The following ROPN1L variants were observed in gnomAD, a reference collection of about 807,000 sequenced individuals.
ROPN1L encodes the protein ropporin-1-like protein.
A neutral mutation model predicts 22.7 loss-of-function variants in ROPN1L; 23 were observed. That is an observed-to-expected ratio of 1.01 (90% CI 0.73 to 1.43). ROPN1L has a LOEUF of 1.43. ROPN1L is among the 40% of genes most tolerant of loss of function. ROPN1L has a pLI of 0.00. For missense variants in ROPN1L, 271 were observed against 291.5 expected (o/e 0.93, Z 0.51); for synonymous variants, 116 against 117.8 (o/e 0.98, Z 0.10).
chr5:10,475,535 G>A (rs1422580536), downstream of ROPN1L, among the ~76,000 whole-genome samples: 2 of 152,146 alleles, frequency 1.3e-5, no homozygotes, highest in African/African-American at 4.8e-5. Flanking sequence ...GAGCTGAAGT[G>A]ACATAGGCCT....
chr5:10,471,040 G>A (rs1735237681), intron 4 of ROPN1L, among the ~76,000 whole-genome samples: 1 of 152,258 alleles, frequency 6.6e-6, no homozygotes, highest in East Asian at 1.9e-4. Context: ...CGACTCCAGA[G>A]CCTTGGAGCC....
intron 1 of ROPN1L, among the ~76,000 whole-genome samples, chr5:10,446,917 TCTAA>T (rs1402358470): frequency 6.6e-6 from 1 of 152,232 alleles, no homozygotes; most frequent in Non-Finnish European, 1.5e-5. Context: ...TTCACATTTG[TCTAA>T]CTCACTGCTG....
At chr5:10,461,612 T>TC (rs1735032187) in intron 4 of ROPN1L, 2 of 386,750 alleles carry the variant, frequency 5.2e-6, no homozygotes, top group Non-Finnish European at 4.7e-6. Context: ...TAGCCTGAGA[T>TC]CCCACAGGTT....
chr5:10,449,939 G>A lies in ROPN1L; in HGVS notation c.256-13G>A. 1.2e-6 allele frequency: 2 copies of A among 1,601,418 alleles called. No homozygotes were observed. Among genetic ancestry groups the A allele is most frequent in the South Asian group, 1.1e-5 (1 of 89,254 alleles). On this transcript the variant is annotated splice_polypyrimidine_tract_variant and intron_variant, in intron 2 of 4. Coordinates refer to ENST00000274134, the MANE Select transcript of ROPN1L (RefSeq NM_031916.5). ...AAACATACATAAATTGTCATGCTGT[G>A]TTTTCCAAACAGTGTCACCACAAGC...
At chr5:10,459,104 A>G (rs1326912059) in intron 3 of ROPN1L, among the ~76,000 whole-genome samples, 1 of 150,782 alleles carries the variant, frequency 6.6e-6, no homozygotes. Context: ...GCCACCCCAA[A>G]CTCAGCTTCT....
intron 4 of ROPN1L, among the ~76,000 whole-genome samples, chr5:10,463,977 C>T (rs919334072): frequency 6.6e-6 from 1 of 152,168 alleles, no homozygotes; most frequent in Non-Finnish European, 1.5e-5. Flanking sequence ...GCCATGATGC[C>T]ACCTAGGATG....
chr5:10,478,458 T>C, the ROPN1L span, among the ~76,000 whole-genome samples: 1 of 152,206 alleles, frequency 6.6e-6, no homozygotes, highest in Non-Finnish European at 1.5e-5. Context: ...AGGGCCACAC[T>C]TCCTTCTAAG....
intron 4 of ROPN1L, among the ~76,000 whole-genome samples, chr5:10,471,463 A>G (rs911473322): frequency 2.6e-5 from 4 of 152,052 alleles, no homozygotes; most frequent in Admixed American, 1.3e-4. Context: ...TTGATTTTCA[A>G]TTGGGGAAGT....
chr5:10,449,572 T>A (rs1353174411), intron 2 of ROPN1L, among the ~76,000 whole-genome samples: 1 of 152,190 alleles, frequency 6.6e-6, no homozygotes, highest in Non-Finnish European at 1.5e-5. Context: ...AGTTTTAAGA[T>A]CTCTCCTATC....
chr5:10,450,956 T>G (rs1741235204), intron 3 of ROPN1L, among the ~76,000 whole-genome samples: 1 of 152,166 alleles, frequency 6.6e-6, no homozygotes, highest in South Asian at 2.1e-4. Flanking sequence ...GCTGGGATGA[T>G]GTTGGCAGGG....
Position 10,448,400 on chromosome 5 carries a change from T to C in ROPN1L, c.255+17T>C, listed in dbSNP as rs112884084. 1 of 1,613,782 alleles carries C rather than the reference T, an allele frequency of 6.2e-7. No homozygotes were observed. The highest frequency in any genetic ancestry group is 1.3e-5 in the African/African-American group (1 of 75,024). On this transcript the variant is annotated intron_variant, in intron 2 of 4. Coordinates refer to ENST00000274134, the MANE Select transcript of ROPN1L (RefSeq NM_031916.5). The stretch of plus-strand genomic sequence containing the variant: ...CACAAGCAGGTATGGGGGGGCGTAG[T>C]CTCTGGCCTCAGGCAGCTGGCCTGT...
chr5:10,447,585 G>T (rs908510917), intron 1 of ROPN1L, among the ~76,000 whole-genome samples: 1 of 152,224 alleles, frequency 6.6e-6, no homozygotes, highest in African/African-American at 2.4e-5. Flanking sequence ...CCTGTCAAAA[G>T]TGGGAAGACG....
intron 3 of ROPN1L, among the ~76,000 whole-genome samples, chr5:10,458,381 C>T (rs533886310): frequency 2.6e-4 from 39 of 151,954 alleles, no homozygotes; most frequent in African/African-American, 8.0e-4. Flanking sequence ...TCGTGGGGCT[C>T]GGCTGTATAC....
downstream of ROPN1L, among the ~76,000 whole-genome samples, chr5:10,472,752 C>T (rs958397406): frequency 1.3e-5 from 2 of 152,176 alleles, no homozygotes; most frequent in Non-Finnish European, 2.9e-5. Flanking sequence ...GCCTGTTTTC[C>T]ACACGCTAAC....
At chr5:10,446,053 G>A (rs1741054274) in intron 1 of ROPN1L, among the ~76,000 whole-genome samples, 1 of 152,232 alleles carries the variant, frequency 6.6e-6, no homozygotes, top group Non-Finnish European at 1.5e-5. Context: ...CCCTAAGCCT[G>A]TGGACTCCAC....
the ROPN1L span, among the ~76,000 whole-genome samples, chr5:10,480,011 T>C: frequency 6.6e-6 from 1 of 152,210 alleles, no homozygotes; most frequent in Non-Finnish European, 1.5e-5. Flanking sequence ...CCCAAAGTGC[T>C]GGGATTACAG....
intron 4 of ROPN1L, among the ~76,000 whole-genome samples, chr5:10,464,388 G>C (rs937482534): frequency 6.6e-6 from 1 of 152,160 alleles, no homozygotes; most frequent in Admixed American, 6.5e-5. Flanking sequence ...CTTCTGCACC[G>C]CCATCCGGGT....
chr5:10,469,101 G>T (rs547960166), downstream of ROPN1L, among the ~76,000 whole-genome samples: 1 of 152,222 alleles, frequency 6.6e-6, no homozygotes, highest in East Asian at 1.9e-4. Flanking sequence ...CTTGCAATGA[G>T]CCGAGATCGT....
At chr5:10,466,656 G>A (rs1315004943), downstream of ROPN1L, among the ~76,000 whole-genome samples, 6 of 152,308 alleles carry the variant, frequency 3.9e-5, no homozygotes, top group South Asian at 4.1e-4. Flanking sequence ...GATGAGGCCC[G>A]TCCCTGCTGG....
Sources: allele counts gnomAD v4.1 joint callset (sites outside exome capture counted in the v4.1 genomes callset), GRCh38; gene constraint gnomAD v4.1.1; transcripts MANE v1.5; gene names NCBI Gene and HGNC (gene_info 2026-07-23, HGNC 2026-07-21).